Variants in ATP11B observed in about 807,000 individuals in gnomAD.
The protein encoded by ATP11B is ATPase phospholipid transporting 11B (putative).
A neutral mutation model predicts 157.8 loss-of-function variants in ATP11B; 81 were observed. The observed-to-expected ratio is 0.51, with a 90% CI of 0.43 to 0.62. The LOEUF (loss-of-function observed/expected upper bound fraction) is 0.62. Among genes scored for constraint, ATP11B ranks in the 20% least tolerant of loss-of-function variants. ATP11B has a pLI of 0.00. For missense variants in ATP11B, 1,165 were observed against 1,402.2 expected, an observed-to-expected ratio of 0.83 and a Z score of 2.70; for synonymous variants, 451 against 469.4, an observed-to-expected ratio of 0.96 and a Z score of 0.51.
chr3:182,801,400 T>C (rs1039295754), intron 1 of ATP11B, among the ~76,000 whole-genome samples: 10 of 152,212 alleles, frequency 6.6e-5, no homozygotes, highest in African/African-American at 2.4e-4. Flanking sequence ...ATGTAGCTTA[T>C]TCTTACTGTG....
At chr3:182,894,373 A>T (rs1044609141) in intron 25 of ATP11B, among the ~76,000 whole-genome samples, 7 of 152,130 alleles carry the variant, frequency 4.6e-5, no homozygotes, top group African/African-American at 1.7e-4. Flanking sequence ...TTTAGTAGAG[A>T]CAGGGTTTCT....
intron 28 of ATP11B, chr3:182,905,902 AGTT>A (rs1318613491): frequency 2.2e-6 from 1 of 456,582 alleles, no homozygotes; most frequent in Non-Finnish European, 4.4e-6. Context: ...CCAGCAGGAC[AGTT>A]GTTGCGTGCA....
chr3:182,898,019 A>G (rs1045191166), intron 27 of ATP11B, among the ~76,000 whole-genome samples: 1 of 152,048 alleles, frequency 6.6e-6, no homozygotes, highest in African/African-American at 2.4e-5. Flanking sequence ...TCAGACAAAA[A>G]AAAGCTTCTG....
chr3:182,827,147 T>G (rs1391776846), intron 2 of ATP11B, among the ~76,000 whole-genome samples: 2 of 152,156 alleles, frequency 1.3e-5, no homozygotes, highest in Non-Finnish European at 2.9e-5. Context: ...TCTGGGAGGA[T>G]GTACATAAAG....
intron 1 of ATP11B, among the ~76,000 whole-genome samples, chr3:182,801,536 GC>G (rs896254375): frequency 3.9e-5 from 6 of 152,114 alleles, no homozygotes; most frequent in African/African-American, 1.4e-4. Flanking sequence ...ATAAAGTTGG[GC>G]AAATGGTATA....
chr3:182,835,052 G>A (rs1406601285), intron 4 of ATP11B, among the ~76,000 whole-genome samples: 2 of 152,160 alleles, frequency 1.3e-5, no homozygotes, highest in Admixed American at 1.3e-4. Flanking sequence ...CGTGTTTAGG[G>A]TCTTCATCCT....
intron 29 of ATP11B, 83 bp from the exon 30 acceptor site, chr3:182,917,940 G>A: frequency 6.5e-7 from 1 of 1,550,092 alleles, no homozygotes; most frequent in South Asian, 1.3e-5. Context: ...ATTGCATTTG[G>A]GTCCTAAGTT....
chr3:182,906,971 C>T (rs4859144), intron 28 of ATP11B, among the ~76,000 whole-genome samples: 64,246 of 151,270 alleles, frequency 0.42, 14,650 homozygotes, highest in East Asian at 0.61. Flanking sequence ...CGGATGCCTG[C>T]AGTCCCAGCT....
chr3:182,845,356 G>A (rs946513429), intron 8 of ATP11B, 102 bp from the exon 9 acceptor site: 30 of 999,554 alleles, frequency 3.0e-5, no homozygotes, highest in Non-Finnish European at 3.9e-5. Context: ...TGAAAGTGGT[G>A]TTATGGCTAT....
intron 19 of ATP11B, among the ~76,000 whole-genome samples, chr3:182,876,623 A>T (rs1198444550): frequency 6.6e-6 from 1 of 152,208 alleles, no homozygotes; most frequent in Admixed American, 6.5e-5. Context: ...CCCTGTTCCA[A>T]AATGGTGCCT....
At chr3:182,824,687 T>A (rs890791712) in intron 2 of ATP11B, among the ~76,000 whole-genome samples, 5 of 152,224 alleles carry the variant, frequency 3.3e-5, no homozygotes, top group African/African-American at 7.2e-5. Flanking sequence ...CCATATTTTT[T>A]AAAATGTGGA....
chr3:182,819,382 AT>A (rs2108497725), intron 1 of ATP11B, among the ~76,000 whole-genome samples: 1 of 152,198 alleles, frequency 6.6e-6, no homozygotes, highest in Non-Finnish European at 1.5e-5. Context: ...CTTTTTTCTA[AT>A]ATTTCAAAAC....
intron 8 of ATP11B, chr3:182,844,570 C>A (rs1719316229): frequency 1.0e-6 from 1 of 984,734 alleles, no homozygotes; most frequent in African/African-American, 1.7e-5. Flanking sequence ...AGCAAGAAGA[C>A]CTGTGCTTCA....
chr3:182,849,835 A>C (rs1719829587), intron 10 of ATP11B, among the ~76,000 whole-genome samples: 1 of 152,194 alleles, frequency 6.6e-6, no homozygotes, highest in South Asian at 2.1e-4. Context: ...AAATATTTGA[A>C]AAAATAATGA....
chr3:182,898,901 CAT>C, intron 28 of ATP11B, 129 bp downstream of exon 28: 2 of 574,822 alleles, frequency 3.5e-6, no homozygotes, highest in East Asian at 3.4e-5. Context: ...TATTTTGTAA[CAT>C]AAACATTGTT....
chr3:182,825,267 A>C (rs1008101835), intron 2 of ATP11B, among the ~76,000 whole-genome samples: 13 of 152,062 alleles, frequency 8.5e-5, no homozygotes, highest in African/African-American at 2.9e-4. Context: ...TTTTTCATAC[A>C]CTTTACCTTT....
At chr3:182,829,650 G>T (rs1717979341) in intron 3 of ATP11B, 22 bp from the exon 4 acceptor site, 7 of 1,442,144 alleles carry the variant, frequency 4.9e-6, no homozygotes, top group Non-Finnish European at 6.7e-6. Context: ...ATAATATTCT[G>T]TATTCTTTTT....
At position 182,903,390 on chromosome 3, in the gene ATP11B, A is replaced by T. The variant is rs186939844; in HGVS notation, c.3318+4618A>T. 3.5e-3 allele frequency among the ~76,000 whole-genome samples: 539 copies of T among 152,016 alleles called. 2 individuals carry two copies. Among genetic ancestry groups the T allele is most frequent in the African/African-American group, 0.012 (503 of 41,498 alleles). On this transcript the variant is annotated intron_variant, in intron 28 of 29. Transcript: ENST00000323116. Reference sequence around the variant, plus strand: ...TTCTCTATGTTCATTTGAATTTTAAATTCTGTTTTATTCTCAAGGTTTCTA... The same window carrying T: ...TTCTCTATGTTCATTTGAATTTTAATTTCTGTTTTATTCTCAAGGTTTCTA...
At chr3:182,886,229 A>G (rs114370989) in intron 23 of ATP11B, among the ~76,000 whole-genome samples, 55 of 152,248 alleles carry the variant, frequency 3.6e-4, no homozygotes, top group Non-Finnish European at 6.0e-4. Flanking sequence ...CCAAAATGTA[A>G]TTCTGGATGC....
Sources: gnomAD v4.1 joint callset for allele counts (sites outside exome capture counted in the v4.1 genomes callset) on GRCh38, gnomAD v4.1.1 for gene constraint, MANE v1.5 for transcripts, NCBI Gene and HGNC (gene_info 2026-07-23, HGNC 2026-07-21) for gene names.